Variants in STIM1 observed in about 807,000 individuals in gnomAD.
The protein encoded by STIM1 is stromal interaction molecule 1.
A neutral mutation model predicts 74.7 loss-of-function variants in STIM1; 25 were observed. That is an observed-to-expected ratio of 0.33 (90% confidence interval 0.24 to 0.47). The LOEUF (loss-of-function observed/expected upper bound fraction) is 0.47. Among genes scored for constraint, STIM1 ranks in the 20% least tolerant of loss-of-function variants. STIM1 has a pLI of 1.00. For synonymous variants in STIM1, 328 were observed against 348.8 expected (o/e 0.94, Z 0.66); for missense variants, 728 against 920.8 (o/e 0.79, Z 2.71).
chr11:4,042,663 T>C (rs1590668784), intron 3 of STIM1, among the ~76,000 whole-genome samples: 1 of 152,234 alleles, frequency 6.6e-6, no homozygotes, highest in Non-Finnish European at 1.5e-5. Context: ...TATATAACTC[T>C]TGGACTCCAG....
At chr11:4,007,477 A>C (rs535714924) in intron 2 of STIM1, among the ~76,000 whole-genome samples, 22 of 152,212 alleles carry the variant, frequency 1.4e-4, no homozygotes, top group Non-Finnish European at 3.1e-4. Flanking sequence ...GTTACAGCTC[A>C]ATATAATATT....
intron 2 of STIM1, among the ~76,000 whole-genome samples, chr11:4,005,133 TG>T (rs2093764293): frequency 6.6e-6 from 1 of 152,212 alleles, no homozygotes; most frequent in Admixed American, 6.5e-5. Context: ...ACACTGTTGG[TG>T]GGACTGTAAA....
chr11:4,056,254 A>G (rs1403330727), intron 4 of STIM1, among the ~76,000 whole-genome samples: 1 of 152,192 alleles, frequency 6.6e-6, no homozygotes. Context: ...TGGCTCCAAC[A>G]GCTGTTGTTT....
intron 12 of STIM1, among the ~76,000 whole-genome samples, chr11:4,089,667 C>T (rs191164180): frequency 3.9e-5 from 6 of 152,300 alleles, no homozygotes; most frequent in African/African-American, 1.4e-4. Context: ...GGGGTGGCTA[C>T]TTAGTTATTT....
chr11:4,065,061 T>C (rs190774957), intron 5 of STIM1, among the ~76,000 whole-genome samples: 12 of 152,318 alleles, frequency 7.9e-5, no homozygotes, highest in Admixed American at 7.8e-4. Flanking sequence ...TCTAAATAAA[T>C]GGTAGCTACT....
chr11:4,034,723 G>A (rs907962535), intron 3 of STIM1, among the ~76,000 whole-genome samples: 1 of 152,134 alleles, frequency 6.6e-6, no homozygotes, highest in Non-Finnish European at 1.5e-5. Flanking sequence ...ATAGAATTCA[G>A]CAGTGAAGCT....
At chr11:4,065,376 C>G (rs1365688904) in intron 5 of STIM1, among the ~76,000 whole-genome samples, 1 of 152,126 alleles carries the variant, frequency 6.6e-6, no homozygotes, top group Non-Finnish European at 1.5e-5. Context: ...TCCAATTTGC[C>G]CTTCAAGCTT....
intron 5 of STIM1, among the ~76,000 whole-genome samples, chr11:4,061,601 A>G (rs2094331162): frequency 6.6e-6 from 1 of 152,224 alleles, no homozygotes; most frequent in Admixed American, 6.5e-5. Flanking sequence ...CTCAGAAATT[A>G]GACACAGAGT....
rs377638907 is a variant in STIM1, at chr11:4,091,271, A to G, written c.1635-11A>G. On this transcript the variant is annotated splice_polypyrimidine_tract_variant and intron_variant, in intron 12 of 12. Coordinates refer to ENST00000526596, the MANE Select transcript of STIM1 (RefSeq NM_001382567.1). Reference sequence around the variant, plus strand: ...ATGTCCCTTTCTTCCTCTCTGCCCCATGTCTTGCAGGGATTTGACCCATTC... The same window carrying G: ...ATGTCCCTTTCTTCCTCTCTGCCCCGTGTCTTGCAGGGATTTGACCCATTC... 5.6e-6 allele frequency: 9 copies of G among 1,613,680 alleles called. No individual in the cohort carries two copies. The African/African-American group carries it at 1.1e-4, about 19-fold the overall frequency.
chr11:3,873,831 G>A lies in STIM1; in HGVS notation c.139+17422G>A, dbSNP rs541644546. 5.9e-5 allele frequency among the ~76,000 whole-genome samples: 9 copies of A among 152,278 alleles called. No homozygotes were observed. The South Asian group carries it at 1.9e-3, about 32-fold the overall frequency. ...TAGCCAGAAGTCAGAGCTTGGTGAG[G>A]CCTGATTCCCCAAAGAATTCAGTGA... On this transcript the variant is annotated intron_variant, in intron 1 of 12. Transcript: ENST00000526596.
chr11:4,085,399 A>G (rs908136665), intron 11 of STIM1, among the ~76,000 whole-genome samples: 1 of 151,498 alleles, frequency 6.6e-6, no homozygotes. Context: ...GAGTGAGCCC[A>G]AAGGGGGATG....
chr11:4,012,362 A>G (rs1357907395), intron 2 of STIM1, among the ~76,000 whole-genome samples: 1 of 152,182 alleles, frequency 6.6e-6, no homozygotes, highest in Non-Finnish European at 1.5e-5. Flanking sequence ...ATGAGCATGG[A>G]ATGCTCTTCC....
At chr11:4,003,867 G>A (rs1204652581) in intron 2 of STIM1, among the ~76,000 whole-genome samples, 1 of 152,070 alleles carries the variant, frequency 6.6e-6, no homozygotes, top group Admixed American at 6.6e-5. Context: ...ATCTCCTTAA[G>A]CTGATAAGCA....
intron 1 of STIM1, among the ~76,000 whole-genome samples, chr11:3,886,998 T>C (rs899746952): frequency 6.7e-6 from 1 of 150,344 alleles, no homozygotes; most frequent in Non-Finnish European, 1.5e-5. Context: ...CAAGACTCTG[T>C]CTCAAAGAAA....
intron 2 of STIM1, among the ~76,000 whole-genome samples, chr11:3,994,686 C>G (rs1346975371): frequency 1.3e-5 from 2 of 152,082 alleles, no homozygotes; most frequent in Non-Finnish European, 2.9e-5. Context: ...TCTTTAACTC[C>G]TGGCCCCAAG....
At chr11:4,014,964 T>G (rs964412134) in intron 2 of STIM1, among the ~76,000 whole-genome samples, 1 of 152,248 alleles carries the variant, frequency 6.6e-6, no homozygotes, top group Non-Finnish European at 1.5e-5. Context: ...GAGATGGGTC[T>G]CCTGAATACA....
At chr11:3,941,391 G>A (rs2093002940) in intron 1 of STIM1, among the ~76,000 whole-genome samples, 1 of 152,024 alleles carries the variant, frequency 6.6e-6, no homozygotes, top group African/African-American at 2.4e-5. Flanking sequence ...GTTGGCAATG[G>A]GCTCTTGAGA....
chr11:3,983,672 G>A (rs1158925192), intron 2 of STIM1, among the ~76,000 whole-genome samples: 2 of 152,046 alleles, frequency 1.3e-5, no homozygotes, highest in African/African-American at 2.4e-5. Context: ...TGTGCTCAGG[G>A]CCTCTCTCTG....
intron 2 of STIM1, among the ~76,000 whole-genome samples, chr11:4,006,931 G>A (rs1379316484): frequency 6.6e-6 from 1 of 152,164 alleles, no homozygotes; most frequent in Admixed American, 6.6e-5. Flanking sequence ...CCAGATTGCT[G>A]TACCCAAAGG....
Sources: allele counts gnomAD v4.1 joint callset (sites outside exome capture counted in the v4.1 genomes callset), GRCh38; gene constraint gnomAD v4.1.1; transcripts MANE v1.5; gene names NCBI Gene and HGNC (gene_info 2026-07-23, HGNC 2026-07-21).